RBFOX1: variants seen among roughly 807,000 people sequenced by gnomAD.
RBFOX1 encodes RNA binding fox-1 homolog 1.
RBFOX1 carries 8 observed loss-of-function variants against 57.7 expected under a neutral mutation model. The ratio of observed to expected loss-of-function variants is 0.14; its 90% confidence interval spans 0.08 to 0.25. The LOEUF (loss-of-function observed/expected upper bound fraction) is 0.25, where lower values mean the gene tolerates loss of function less well. Among genes scored for constraint, RBFOX1 ranks in the 10% least tolerant of loss-of-function variants. RBFOX1 has a pLI of 1.00. For synonymous variants in RBFOX1, 326 were observed against 222.4 expected (o/e 1.47, Z -4.15); for missense variants, 611 against 548.5 (o/e 1.11, Z -1.14).
chr16:6,166,740 C>T (rs1435536329), intron 1 of RBFOX1, among the ~76,000 whole-genome samples: 1 of 151,994 alleles, frequency 6.6e-6, no homozygotes, highest in Non-Finnish European at 1.5e-5. Context: ...CTCTGAAGAG[C>T]CTCAGTCATG....
At chr16:6,016,650 G>T (rs2094995573), upstream of RBFOX1, among the ~76,000 whole-genome samples, 1 of 152,192 alleles carries the variant, frequency 6.6e-6, no homozygotes, top group Non-Finnish European at 1.5e-5. Context: ...CATTTGCTTA[G>T]ATCACAAATT....
At chr16:5,965,142 A>T (rs150202540) in intron 4 of RBFOX1, among the ~76,000 whole-genome samples, 1 of 152,124 alleles carries the variant, frequency 6.6e-6, no homozygotes, top group Non-Finnish European at 1.5e-5. Context: ...ACGGTGGGAA[A>T]AATAGGAAGA....
At chr16:7,210,300 C>G (rs1357272828) in intron 4 of RBFOX1, among the ~76,000 whole-genome samples, 4 of 152,146 alleles carry the variant, frequency 2.6e-5, no homozygotes, top group Non-Finnish European at 5.9e-5. Context: ...GCCAGGCCAT[C>G]AGGAAGAGTA....
chr16:5,511,496 GAAC>G, intron 2 of RBFOX1, among the ~76,000 whole-genome samples: 1 of 152,270 alleles, frequency 6.6e-6, no homozygotes, highest in East Asian at 1.9e-4. Context: ...ACATGGTGAA[GAAC>G]AACACTAATC....
At chr16:5,707,093 C>A (rs934979638) in intron 3 of RBFOX1, among the ~76,000 whole-genome samples, 1 of 152,188 alleles carries the variant, frequency 6.6e-6, no homozygotes, top group Admixed American at 6.5e-5. Flanking sequence ...AACACCCAGC[C>A]AGCCAAGTCA....
At chr16:6,330,778 C>G (rs142364530) in intron 2 of RBFOX1, among the ~76,000 whole-genome samples, 1 of 152,136 alleles carries the variant, frequency 6.6e-6, no homozygotes, top group Non-Finnish European at 1.5e-5. Context: ...TGTAAACACA[C>G]CAGCGTGTGA....
chr16:5,413,662 G>A (rs1596945994), intron 1 of RBFOX1, among the ~76,000 whole-genome samples: 2 of 152,276 alleles, frequency 1.3e-5, no homozygotes, highest in East Asian at 1.9e-4. Context: ...CTTGCTATGT[G>A]TCAGGCATTG....
At chr16:7,354,079 C>G (rs1596305032) in intron 4 of RBFOX1, among the ~76,000 whole-genome samples, 1 of 152,152 alleles carries the variant, frequency 6.6e-6, no homozygotes, top group African/African-American at 2.4e-5. Flanking sequence ...TCAAGCGATT[C>G]TCCTGCCTCA....
chr16:6,307,087 G>T lies in RBFOX1; in HGVS notation c.-126-9908G>T, dbSNP rs2152753685. Among the ~76,000 whole-genome samples, 4 of 152,316 alleles carry T rather than the reference G, an allele frequency of 2.6e-5. No individual in the cohort carries two copies. In the South Asian group the frequency reaches 8.3e-4, roughly 32 times the overall value. ...AGGACTTCAGAGTCACACAGAACTG[G>T]ATTTGCATTCTGGCTTTGCTGTTGA... On this transcript the variant is annotated intron_variant, in intron 1 of 15. Transcript: ENST00000550418.
At chr16:5,595,656 T>C (rs1228754751) in intron 2 of RBFOX1, among the ~76,000 whole-genome samples, 1 of 152,220 alleles carries the variant, frequency 6.6e-6, no homozygotes, top group Admixed American at 6.5e-5. Flanking sequence ...AGACCTGGGC[T>C]TTCTGAAAAC....
At chr16:5,335,750 G>A (rs1363205648) in intron 1 of RBFOX1, among the ~76,000 whole-genome samples, 2 of 152,182 alleles carry the variant, frequency 1.3e-5, no homozygotes, top group Non-Finnish European at 2.9e-5. Context: ...TCCCATGACT[G>A]TATCTTCAGA....
At chr16:7,336,729 A>G (rs925212739) in intron 4 of RBFOX1, among the ~76,000 whole-genome samples, 3 of 152,204 alleles carry the variant, frequency 2.0e-5, no homozygotes, top group Admixed American at 2.0e-4. Flanking sequence ...TTATTTTTAT[A>G]ATAAACGTAA....
chr16:6,864,194 A>C (rs2059518304), intron 3 of RBFOX1, among the ~76,000 whole-genome samples: 1 of 152,104 alleles, frequency 6.6e-6, no homozygotes, highest in Non-Finnish European at 1.5e-5. Context: ...TTACATAAAT[A>C]ATTCACTTTT....
At chr16:7,041,953 T>C (rs899312) in intron 3 of RBFOX1, among the ~76,000 whole-genome samples, 25,132 of 152,158 alleles carry the variant, frequency 0.17, 2,324 homozygotes, top group African/African-American at 0.24. Context: ...CCTGCAGAGA[T>C]TATATAATAT....
intron 3 of RBFOX1, among the ~76,000 whole-genome samples, chr16:5,751,780 C>G (rs1230546882): frequency 6.6e-6 from 1 of 152,182 alleles, no homozygotes; most frequent in African/African-American, 2.4e-5. Context: ...CTCCAAACCT[C>G]AACTATATTA....
intron 4 of RBFOX1, among the ~76,000 whole-genome samples, chr16:7,418,928 A>T (rs967183187): frequency 6.6e-6 from 1 of 151,960 alleles, no homozygotes; most frequent in Non-Finnish European, 1.5e-5. Flanking sequence ...TTTTTGAGAA[A>T]GGGTCTCAGT....
At chr16:6,023,148 A>G (rs1226427093) in intron 1 of RBFOX1, among the ~76,000 whole-genome samples, 2 of 152,128 alleles carry the variant, frequency 1.3e-5, no homozygotes, top group African/African-American at 2.4e-5. Flanking sequence ...AGTTTTTTAC[A>G]TCACCCTGAA....
intron 3 of RBFOX1, among the ~76,000 whole-genome samples, chr16:6,754,149 T>C (rs1004006798): frequency 6.6e-6 from 1 of 152,200 alleles, no homozygotes; most frequent in Admixed American, 6.5e-5. Context: ...GACAGCATTT[T>C]TCTTTTGAGT....
chr16:6,609,989 T>C (rs575000141), intron 2 of RBFOX1, among the ~76,000 whole-genome samples: 11 of 148,670 alleles, frequency 7.4e-5, no homozygotes, highest in Non-Finnish European at 1.5e-4. Flanking sequence ...GGCCTGGCAG[T>C]AGTGTGAGGC....
Sources: gnomAD v4.1 joint callset for allele counts (sites outside exome capture counted in the v4.1 genomes callset) on GRCh38, gnomAD v4.1.1 for gene constraint, MANE v1.5 for transcripts, NCBI Gene and HGNC (gene_info 2026-07-23, HGNC 2026-07-21) for gene names.